Variants in VWA3B observed in about 807,000 individuals in gnomAD.
The protein encoded by VWA3B is von Willebrand factor A domain-containing protein 3B.
VWA3B carries 138 observed loss-of-function variants against 158.3 expected under a neutral mutation model. The observed-to-expected ratio is 0.87, with a 90% confidence interval of 0.76 to 1.00. The LOEUF (loss-of-function observed/expected upper bound fraction) is 1.00, where lower values mean the gene tolerates loss of function less well. VWA3B is among the 50% of genes least tolerant of loss of function. The pLI is 0.00. For missense variants in VWA3B, 1,555 were observed against 1,565.1 expected (o/e 0.99, Z 0.11); for synonymous variants, 596 against 587.3 (o/e 1.01, Z -0.21).
At chr2:98,266,786 G>A (rs1315895939) in intron 21 of VWA3B, among the ~76,000 whole-genome samples, 6 of 132,874 alleles carry the variant, frequency 4.5e-5, no homozygotes, top group African/African-American at 8.7e-5. Flanking sequence ...GGATTCCTAG[G>A]TATTTTATTC....
At chr2:98,140,860 T>G (rs2105100533) in intron 7 of VWA3B, among the ~76,000 whole-genome samples, 1 of 152,352 alleles carries the variant, frequency 6.6e-6, no homozygotes, top group Middle Eastern at 3.4e-3. Flanking sequence ...GAATTTTCCT[T>G]GGAAAAGATC....
At chr2:98,226,216 C>T (rs1433924042) in intron 14 of VWA3B, among the ~76,000 whole-genome samples, 4 of 152,188 alleles carry the variant, frequency 2.6e-5, no homozygotes, top group Non-Finnish European at 4.4e-5. Context: ...GATGTATTTG[C>T]TCTGGTGGAG....
rs746249540 is a variant in VWA3B, at chr2:98,112,283, T to G, written c.197-3369T>G. 3.0e-4 allele frequency among the ~76,000 whole-genome samples: 10 copies of G among 33,074 alleles called. No homozygotes were observed. In the African/African-American group the frequency reaches 4.8e-3, roughly 16 times the overall value. 21.7% of individuals were successfully genotyped at this position (33,074 alleles called of 152,430 possible). ...CATTGTTCTATATGTCTGTTTGGGGTGTGTGTGTGTGTGTGTGTGGGTGTG... is the reference window on the plus strand; with the variant it reads ...CATTGTTCTATATGTCTGTTTGGGGGGTGTGTGTGTGTGTGTGTGGGTGTG... On this transcript the variant is annotated intron_variant, in intron 2 of 27. Coordinates refer to ENST00000477737, the MANE Select transcript of VWA3B (RefSeq NM_144992.5).
At chr2:98,323,100 A>G in the VWA3B span, among the ~76,000 whole-genome samples, 2 of 152,238 alleles carry the variant, frequency 1.3e-5, no homozygotes, top group African/African-American at 4.8e-5. Context: ...AAACAGGAAA[A>G]TGTATTCTAT....
chr2:98,259,543 T>C (rs1312406588), intron 21 of VWA3B, among the ~76,000 whole-genome samples: 2 of 151,780 alleles, frequency 1.3e-5, no homozygotes, highest in East Asian at 3.8e-4. Context: ...CTATTCATAG[T>C]ATTCTCTATA....
chr2:98,206,118 T>G (rs1682996932), intron 12 of VWA3B: 1 of 152,284 alleles, frequency 6.6e-6, no homozygotes, highest in South Asian at 2.1e-4. Flanking sequence ...AGCGGGATAT[T>G]GGGCAACACT....
At chr2:98,116,543 A>G (rs1019371193) in intron 3 of VWA3B, among the ~76,000 whole-genome samples, 2 of 151,980 alleles carry the variant, frequency 1.3e-5, no homozygotes, top group Admixed American at 6.6e-5. Context: ...TTCTTGTTCT[A>G]TCACCCAGTC....
chr2:98,286,567 T>G (rs1351257064), intron 22 of VWA3B, among the ~76,000 whole-genome samples: 1 of 152,152 alleles, frequency 6.6e-6, no homozygotes, highest in Non-Finnish European at 1.5e-5. Context: ...TTACATTAAT[T>G]GTTATCTTTT....
At chr2:98,139,291 C>T (rs1676544799) in intron 7 of VWA3B, among the ~76,000 whole-genome samples, 2 of 152,246 alleles carry the variant, frequency 1.3e-5, no homozygotes, top group South Asian at 2.1e-4. Flanking sequence ...TCCCCCGCCT[C>T]CGTGGGCTCC....
At chr2:98,241,638 A>G (rs1375782243) in intron 19 of VWA3B, among the ~76,000 whole-genome samples, 1 of 152,002 alleles carries the variant, frequency 6.6e-6, no homozygotes, top group African/African-American at 2.4e-5. Context: ...AAGAATGAGT[A>G]GTGAGGGTCT....
At chr2:98,274,421 G>A (rs1432728333) in intron 22 of VWA3B, among the ~76,000 whole-genome samples, 2 of 152,176 alleles carry the variant, frequency 1.3e-5, no homozygotes, top group Non-Finnish European at 2.9e-5. Context: ...GGAAGATGGG[G>A]AAAAGTGACC....
intron 12 of VWA3B, among the ~76,000 whole-genome samples, chr2:98,205,628 G>A (rs566829007): frequency 7.9e-5 from 12 of 151,906 alleles, no homozygotes; most frequent in Non-Finnish European, 1.6e-4. Context: ...TATAGTTTTG[G>A]CATATTTTTA....
intron 15 of VWA3B, among the ~76,000 whole-genome samples, chr2:98,229,770 G>T (rs13014142): frequency 0.58 from 87,796 of 151,894 alleles, 25,801 homozygotes; most frequent in South Asian, 0.81. Flanking sequence ...AAGTGAAGAA[G>T]TTTAGAGAGG....
Position 98,234,632 on chromosome 2 carries a change from T to A in VWA3B, c.2309-16T>A, listed in dbSNP as rs1558707573. On this transcript the variant is annotated splice_polypyrimidine_tract_variant and intron_variant, in intron 16 of 27. Coordinates refer to ENST00000477737, the MANE Select transcript of VWA3B (RefSeq NM_144992.5). ...ATCCCCAATTCCTTTAACTCTTCCC[T>A]CTGTGATACCAACAGAATCAACCAA... 1 of 1,614,072 alleles carries A rather than the reference T, an allele frequency of 6.2e-7. No individual in the cohort carries two copies. The highest frequency in any genetic ancestry group is 2.2e-5 in the East Asian group (1 of 44,886).
intron 7 of VWA3B, among the ~76,000 whole-genome samples, chr2:98,137,386 A>G (rs902931177): frequency 6.6e-6 from 1 of 152,188 alleles, no homozygotes; most frequent in Non-Finnish European, 1.5e-5. Context: ...GGATTTCCCT[A>G]ATGATTCATT....
intron 8 of VWA3B, among the ~76,000 whole-genome samples, chr2:98,180,041 T>G (rs1417587137): frequency 6.7e-6 from 1 of 149,728 alleles, no homozygotes; most frequent in East Asian, 2.0e-4. Flanking sequence ...CTCTCTCTCC[T>G]TCCTCCCTCC....
intron 14 of VWA3B, 135 bp downstream of exon 14, chr2:98,218,163 A>G (rs1388835304): frequency 2.9e-5 from 28 of 972,230 alleles, no homozygotes; most frequent in Non-Finnish European, 3.9e-5. Context: ...TCGCTTAACA[A>G]TGAGTGTACC....
At chr2:98,148,843 G>A (rs1677379744) in intron 7 of VWA3B, among the ~76,000 whole-genome samples, 1 of 152,128 alleles carries the variant, frequency 6.6e-6, no homozygotes, top group Non-Finnish European at 1.5e-5. Flanking sequence ...TCTAGTCTGA[G>A]GTTGGTCATG....
At chr2:98,322,486 C>A in the VWA3B span, among the ~76,000 whole-genome samples, 2 of 152,150 alleles carry the variant, frequency 1.3e-5, no homozygotes, top group Non-Finnish European at 2.9e-5. Flanking sequence ...GCCCTGATTC[C>A]TAGCTAGCCC....
Sources: allele counts gnomAD v4.1 joint callset (sites outside exome capture counted in the v4.1 genomes callset), GRCh38; gene constraint gnomAD v4.1.1; transcripts MANE v1.5; gene names NCBI Gene and HGNC (gene_info 2026-07-23, HGNC 2026-07-21).